Variants in HIVEP3 observed in about 807,000 individuals in gnomAD.
HIVEP3 encodes the protein transcription factor HIVEP3.
HIVEP3 carries 49 observed loss-of-function variants against 152.8 expected under a neutral mutation model. The observed-to-expected ratio is 0.32, with a 90% CI of 0.26 to 0.41. HIVEP3 has a LOEUF of 0.41. HIVEP3 is among the 10% of genes least tolerant of loss of function. The pLI is 1.00. For synonymous variants in HIVEP3, 1,269 were observed against 1,289.0 expected, an observed-to-expected ratio of 0.98 and a Z score of 0.33; for missense variants, 2,790 against 3,103.3, an observed-to-expected ratio of 0.90 and a Z score of 2.40.
chr1:41,911,107 C>G (rs776411685), intron 1 of HIVEP3, among the ~76,000 whole-genome samples: 9 of 151,916 alleles, frequency 5.9e-5, no homozygotes, highest in Non-Finnish European at 1.0e-4. Context: ...ATTTTGGCAA[C>G]ACAGAGAAAT....
intron 2 of HIVEP3, among the ~76,000 whole-genome samples, chr1:41,646,862 C>T (rs1189332842): frequency 6.6e-6 from 1 of 152,238 alleles, no homozygotes; most frequent in East Asian, 1.9e-4. Flanking sequence ...ATGGGTCTCA[C>T]TGGGCTAAAA....
intron 1 of HIVEP3, among the ~76,000 whole-genome samples, chr1:41,888,562 T>TG (rs1644389677): frequency 6.6e-6 from 1 of 151,722 alleles, no homozygotes; most frequent in Non-Finnish European, 1.5e-5. Context: ...ACTGAGGTGT[T>TG]AGGCCTTGTA....
chr1:41,613,011 C>T (rs946932488), intron 3 of HIVEP3, among the ~76,000 whole-genome samples: 5 of 152,218 alleles, frequency 3.3e-5, no homozygotes, highest in South Asian at 2.1e-4. Flanking sequence ...TTCCAGGAAG[C>T]GCCCAAGGAA....
intron 3 of HIVEP3, among the ~76,000 whole-genome samples, chr1:41,609,846 C>A (rs528273896): frequency 6.6e-6 from 1 of 152,248 alleles, no homozygotes; most frequent in Non-Finnish European, 1.5e-5. Flanking sequence ...GTTGGCTATG[C>A]CATAGGCCAA....
intron 1 of HIVEP3, among the ~76,000 whole-genome samples, chr1:41,774,235 A>C (rs1170617562): frequency 6.6e-6 from 1 of 152,236 alleles, no homozygotes; most frequent in East Asian, 1.9e-4. Flanking sequence ...ATAGGAAGGC[A>C]TACGGGGCCT....
chr1:41,812,471 A>T (rs1357866206), intron 1 of HIVEP3, among the ~76,000 whole-genome samples: 1 of 152,096 alleles, frequency 6.6e-6, no homozygotes, highest in Non-Finnish European at 1.5e-5. Flanking sequence ...ACAAAAAAAT[A>T]AATAAGATGT....
chr1:41,920,588 T>TG (rs1557522977), upstream of HIVEP3, among the ~76,000 whole-genome samples: 118 of 139,484 alleles, frequency 8.5e-4, no homozygotes, highest in African/African-American at 2.9e-3. Flanking sequence ...TTTTTTTTTT[T>TG]TTGTTTTGTT....
chr1:41,581,570 G>A lies in HIVEP3; in HGVS notation c.3228C>T (p.Ser1076=). Residue 1076 remains serine (S), a synonymous_variant, in exon 4 of 9, where the codon TCC becomes TCT. Transcript: ENST00000372583. This position sits in a 1 kb window ranked among gnomAD's most constrained non-coding sequence, Gnocchi z 4.5. ...ATGAGCTTTTGGCAGAGGGTTTACT[G>A]GATGAGGGCTGTGGTTCTTCGCTCT... ...RQESEEPQPS[S]SKPSAKSSLS... The A allele has an allele frequency of 6.2e-7, 1 of 1,611,188 alleles. No homozygotes were observed. Among genetic ancestry groups the A allele is most frequent in the Non-Finnish European group, 8.5e-7 (1 of 1,178,942 alleles).
chr1:41,944,146 T>C (rs899523408), intron 1 of HIVEP3, among the ~76,000 whole-genome samples: 1 of 152,206 alleles, frequency 6.6e-6, no homozygotes, highest in Admixed American at 6.5e-5. Context: ...GAGTTATTGT[T>C]TGATAAGTCC....
Position 41,527,367 on chromosome 1 carries a change from C to A in HIVEP3, c.5208-2457G>T, listed in dbSNP as rs148120761. Among the ~76,000 whole-genome samples the A allele has an allele frequency of 3.5e-3, 369 of 106,052 alleles. 1 individual carries two copies. Among genetic ancestry groups the A allele is most frequent in the Non-Finnish European group, 6.6e-3 (314 of 47,660 alleles). The allele number at this position is 106,052 out of a possible 152,430, so 69.6% of individuals were successfully genotyped here. On this transcript the variant is annotated intron_variant, in intron 5 of 8. Transcript: ENST00000372583. ...TTCACACTCACCTTCACACTCCACA[C>A]CCCTGCACTCACACTCGCACTCACA...
chr1:41,519,029 G>A (rs1642687600), intron 6 of HIVEP3, among the ~76,000 whole-genome samples: 1 of 152,084 alleles, frequency 6.6e-6, no homozygotes, highest in Non-Finnish European at 1.5e-5. Flanking sequence ...AGAGAAACCA[G>A]GGCAAATTTA....
chr1:41,991,187 C>T (rs1004514547), intron 1 of HIVEP3, among the ~76,000 whole-genome samples: 3 of 151,954 alleles, frequency 2.0e-5, no homozygotes, highest in African/African-American at 7.2e-5. Context: ...CACAAAAAAC[C>T]CTTCAAAAAA....
intron 1 of HIVEP3, among the ~76,000 whole-genome samples, chr1:41,765,611 T>C (rs1024791803): frequency 7.9e-5 from 12 of 152,216 alleles, no homozygotes; most frequent in Admixed American, 3.3e-4. Flanking sequence ...AAATACTGTA[T>C]TGGTAAATTT....
intron 1 of HIVEP3, among the ~76,000 whole-genome samples, chr1:41,818,502 A>G (rs1470430563): frequency 1.3e-5 from 2 of 152,192 alleles, no homozygotes; most frequent in African/African-American, 2.4e-5. Context: ...TGTTTCTCTT[A>G]GCAAGGACTG....
intron 1 of HIVEP3, among the ~76,000 whole-genome samples, chr1:41,946,211 G>A (rs1475227923): frequency 1.3e-5 from 2 of 152,198 alleles, no homozygotes; most frequent in Non-Finnish European, 2.9e-5. Flanking sequence ...TGCCCCTTAT[G>A]TCAAGGGAAT....
intron 1 of HIVEP3, among the ~76,000 whole-genome samples, chr1:41,753,255 TC>T (rs1215466681): frequency 1.3e-5 from 2 of 152,144 alleles, no homozygotes; most frequent in Non-Finnish European, 2.9e-5. Context: ...TTAATGTGCA[TC>T]CCCTTGACCT....
chr1:41,792,227 A>G (rs973204268), intron 1 of HIVEP3, among the ~76,000 whole-genome samples: 32 of 152,198 alleles, frequency 2.1e-4, no homozygotes, highest in African/African-American at 7.7e-4. Flanking sequence ...TTGTTCAGGG[A>G]AAGTTCCCCT....
chr1:41,913,147 T>C (rs1644822296), intron 1 of HIVEP3, among the ~76,000 whole-genome samples: 1 of 152,190 alleles, frequency 6.6e-6, no homozygotes, highest in African/African-American at 2.4e-5. Flanking sequence ...TGAGTGCAAA[T>C]TGAAAAGGCA....
chr1:41,817,037 C>T (rs137985699), intron 1 of HIVEP3, among the ~76,000 whole-genome samples: 3 of 152,214 alleles, frequency 2.0e-5, no homozygotes, highest in South Asian at 2.1e-4. Flanking sequence ...ATGTCTGCCC[C>T]TTCCTAAAGT....
Sources: allele counts gnomAD v4.1 joint callset (sites outside exome capture counted in the v4.1 genomes callset), GRCh38; gene constraint gnomAD v4.1.1; non-coding constraint Gnocchi (gnomAD v3.1); transcripts MANE v1.5; gene names NCBI Gene and HGNC (gene_info 2026-07-23, HGNC 2026-07-21).